Variants in SINHCAF observed in about 807,000 individuals in gnomAD.
The protein encoded by SINHCAF is SIN3-HDAC complex-associated factor.
A neutral mutation model predicts 25.8 loss-of-function variants in SINHCAF; 3 were observed. The observed-to-expected ratio is 0.12, with a 90% confidence interval of 0.05 to 0.30. The LOEUF (loss-of-function observed/expected upper bound fraction) is 0.30. Among genes scored for constraint, SINHCAF ranks in the 10% least tolerant of loss-of-function variants. The pLI is 1.00. For missense variants in SINHCAF, 121 were observed against 262.3 expected (o/e 0.46, Z 3.72); for synonymous variants, 70 against 85.5 (o/e 0.82, Z 1.00).
chr12:31,323,424 G>A (rs1288458805), intron 1 of SINHCAF, among the ~76,000 whole-genome samples: 2 of 152,048 alleles, frequency 1.3e-5, no homozygotes, highest in Non-Finnish European at 2.9e-5. Context: ...ATTATTAAAA[G>A]AAAAAGAAAA....
intron 1 of SINHCAF, chr12:31,304,928 A>G (rs1938959343): frequency 1.3e-5 from 2 of 152,282 alleles, no homozygotes; most frequent in Admixed American, 1.3e-4. Context: ...GACAAGGCCA[A>G]TAGTCCCCAA....
At chr12:31,286,139 T>C (rs551802997) in intron 5 of SINHCAF, among the ~76,000 whole-genome samples, 4 of 152,230 alleles carry the variant, frequency 2.6e-5, no homozygotes, top group Admixed American at 1.3e-4. Context: ...GAAATGGTGA[T>C]AGTCAACACT....
At chr12:31,283,942 T>C (rs1341292925) in intron 5 of SINHCAF, among the ~76,000 whole-genome samples, 1 of 151,994 alleles carries the variant, frequency 6.6e-6, no homozygotes, top group African/African-American at 2.4e-5. Context: ...GATCCATACA[T>C]ATTGTTATAG....
chr12:31,304,235 C>T (rs1306966266), intron 1 of SINHCAF: 1 of 151,868 alleles, frequency 6.6e-6, no homozygotes, highest in Non-Finnish European at 1.5e-5. Context: ...CAAAATGTAT[C>T]TCTTAACTAT....
rs904380634 is a variant in SINHCAF, at chr12:31,324,126, C to T, written c.-21+1898G>A. On this transcript the variant is annotated intron_variant, in intron 1 of 5. Coordinates refer to ENST00000337682, the MANE Select transcript of SINHCAF (RefSeq NM_001135812.2). This position sits in a 1 kb window ranked among gnomAD's most constrained non-coding sequence, Gnocchi z 5.5. ...GAGGGCAGCGGGAGGTGAACCGCGT[C>T]GCTCGCCGCCACCTCCCTCACCTGC... 2 of 450,694 alleles carry T rather than the reference C, an allele frequency of 4.4e-6. No homozygotes were observed. The highest frequency in any genetic ancestry group is 8.9e-6 in the Non-Finnish European group (2 of 224,862). 27.9% of individuals were successfully genotyped at this position (450,694 alleles called of 1,614,324 possible). A position where few individuals can be genotyped will look rare whatever the true frequency, so the allele number is the denominator to read the frequency against.
intron 1 of SINHCAF, among the ~76,000 whole-genome samples, chr12:31,312,736 C>A (rs542684197): frequency 7.9e-5 from 12 of 152,288 alleles, no homozygotes; most frequent in African/African-American, 2.6e-4. Flanking sequence ...TTAACTGAGT[C>A]TTGAGGAACT....
chr12:31,310,447 T>C (rs1939221153), intron 1 of SINHCAF, among the ~76,000 whole-genome samples: 1 of 152,226 alleles, frequency 6.6e-6, no homozygotes, highest in Admixed American at 6.5e-5. Context: ...TGTTTCCATT[T>C]CAATGTCCTG....
intron 1 of SINHCAF, among the ~76,000 whole-genome samples, chr12:31,321,601 A>G (rs940655964): frequency 1.3e-5 from 2 of 152,178 alleles, no homozygotes; most frequent in Non-Finnish European, 2.9e-5. Context: ...TTTACAGATG[A>G]AAAAAACTGG....
chr12:31,303,056 A>C (rs1001638596), intron 1 of SINHCAF: 1 of 985,266 alleles, frequency 1.0e-6, no homozygotes, highest in African/African-American at 1.7e-5. Context: ...GAAATAGAAA[A>C]AAAAAATCAT....
In SINHCAF at chr12:31,282,740, G is replaced by A. The variant is rs1295501101; in HGVS notation, c.638C>T (p.Pro213Leu). 1 of 1,607,140 alleles carries A rather than the reference G, an allele frequency of 6.2e-7. No homozygotes were observed. The highest frequency in any genetic ancestry group is 1.3e-5 in the African/African-American group (1 of 74,330). ...CCACTCCTGAGTGGAGATGGGCAGA[G>A]GCTCTGGCCCCTGCTCCTCTGGCTT... ...AEKPEEQGPE[P>L]LPISTQEW Residue 213 changes from proline to leucine, a missense_variant, in exon 6 of 6, where the codon CCT (proline) becomes CTT (leucine). Coordinates refer to ENST00000337682, the MANE Select transcript of SINHCAF (RefSeq NM_001135812.2).
rs926657608 is a variant in SINHCAF at position 31,325,868 on chromosome 12, A to G, written c.-21+156T>C. The G allele has an allele frequency of 6.6e-6, 1 of 152,290 alleles. No individual in the cohort carries two copies. The highest frequency in any genetic ancestry group is 2.4e-5 in the African/African-American group (1 of 41,438). 9.4% of individuals were successfully genotyped at this position (152,290 alleles called of 1,614,324 possible). A position where few individuals can be genotyped will look rare whatever the true frequency, so the allele number is the denominator to read the frequency against. ...CCTGGGGTCTGAAGATCACGAAAACAGCGCTCCCAACAATGCCACCTCCAA... is the reference window on the plus strand; with the variant it reads ...CCTGGGGTCTGAAGATCACGAAAACGGCGCTCCCAACAATGCCACCTCCAA... On this transcript the variant is annotated intron_variant, in intron 1 of 5. Coordinates refer to ENST00000337682, the MANE Select transcript of SINHCAF (RefSeq NM_001135812.2). This position sits in a 1 kb window ranked among gnomAD's most constrained non-coding sequence, Gnocchi z 5.9.
Position 31,293,938 on chromosome 12 carries a change from GA to G in SINHCAF, c.229-8del. ...CAGCCCTTGCATCTACCACCTGGAAGAAAATACTGAATATTTAATAATATTT... is the reference window on the plus strand; with the variant it reads ...CAGCCCTTGCATCTACCACCTGGAAGAAATACTGAATATTTAATAATATTT... On this transcript the variant is annotated splice_polypyrimidine_tract_variant and splice_region_variant and intron_variant, in intron 3 of 5. Transcript: ENST00000337682. 6.3e-7 allele frequency: 1 copy of G among 1,583,982 alleles called. No homozygotes were observed. The highest frequency in any genetic ancestry group is 8.5e-7 in the Non-Finnish European group (1 of 1,169,808).
At chr12:31,307,391 C>CA (rs1247825399) in intron 1 of SINHCAF, among the ~76,000 whole-genome samples, 1 of 152,056 alleles carries the variant, frequency 6.6e-6, no homozygotes, top group South Asian at 2.1e-4. Context: ...CCTGTCTCTA[C>CA]AAAAAATATA....
At chr12:31,283,027 CAATT>C (rs1937871399) in intron 5 of SINHCAF, among the ~76,000 whole-genome samples, 156 bp from the exon 6 acceptor site, 1 of 152,074 alleles carries the variant, frequency 6.6e-6, no homozygotes, top group African/African-American at 2.4e-5. Flanking sequence ...AGAGTAACCC[CAATT>C]AGCTAGAGAA....
chr12:31,321,335 T>C lies in SINHCAF; in HGVS notation c.-21+4689A>G, dbSNP rs59538346. Among the ~76,000 whole-genome samples, 919 of 152,316 alleles carry C rather than the reference T, an allele frequency of 6.0e-3. 13 individuals are homozygous for C. The highest frequency in any genetic ancestry group is 0.021 in the African/African-American group (873 of 41,576). On this transcript the variant is annotated intron_variant, in intron 1 of 5. Coordinates refer to ENST00000337682, the MANE Select transcript of SINHCAF (RefSeq NM_001135812.2). Reference sequence around the variant, plus strand: ...CTGATGTAAAATGGTTGAATCAGAATTGAAAAGACAACCAAGAGTCAAGGG... The same window carrying C: ...CTGATGTAAAATGGTTGAATCAGAACTGAAAAGACAACCAAGAGTCAAGGG...
At chr12:31,290,299 A>T (rs1266432509) in intron 4 of SINHCAF, among the ~76,000 whole-genome samples, 1 of 151,808 alleles carries the variant, frequency 6.6e-6, no homozygotes, top group African/African-American at 2.4e-5. Flanking sequence ...GCACTACCAC[A>T]CCCAACTAAT....
At chr12:31,309,127 CA>C (rs757095598) in intron 1 of SINHCAF, among the ~76,000 whole-genome samples, 2,743 of 75,406 alleles carry the variant, frequency 0.036, 35 homozygotes, top group East Asian at 0.19. Context: ...GATTCTGTCT[CA>C]AAAAAAAAAA....
chr12:31,305,615 G>T (rs1938989976), intron 1 of SINHCAF, among the ~76,000 whole-genome samples: 1 of 151,208 alleles, frequency 6.6e-6, no homozygotes, highest in Non-Finnish European at 1.5e-5. Context: ...AGCCAATTGT[G>T]TTATTATTCC....
At chr12:31,307,186 A>G (rs1939061928) in intron 1 of SINHCAF, among the ~76,000 whole-genome samples, 1 of 152,182 alleles carries the variant, frequency 6.6e-6, no homozygotes, top group South Asian at 2.1e-4. Context: ...GGGAAAAGTA[A>G]GTGGGGCACT....
Sources: gnomAD v4.1 joint callset for allele counts (sites outside exome capture counted in the v4.1 genomes callset) on GRCh38, gnomAD v4.1.1 for gene constraint, Gnocchi (gnomAD v3.1) non-coding constraint, MANE v1.5 for transcripts, NCBI Gene and HGNC (gene_info 2026-07-23, HGNC 2026-07-21) for gene names.